Variants in HSD17B2 observed in about 807,000 individuals in gnomAD.
HSD17B2 encodes the protein hydroxysteroid 17-beta dehydrogenase 2.
A neutral mutation model predicts 26.9 loss-of-function variants in HSD17B2; 32 were observed. The observed-to-expected ratio is 1.19, with a 90% confidence interval of 0.90 to 1.60. The LOEUF (loss-of-function observed/expected upper bound fraction) is 1.60. Among genes scored for constraint, HSD17B2 ranks in the 40% most tolerant of loss-of-function variants. The pLI is 0.00. For synonymous variants in HSD17B2, 246 were observed against 186.7 expected, an observed-to-expected ratio of 1.32 and a Z score of -2.59; for missense variants, 613 against 468.6, an observed-to-expected ratio of 1.31 and a Z score of -2.85.
At chr16:82,070,256 C>T (rs1914667696) in intron 2 of HSD17B2, among the ~76,000 whole-genome samples, 1 of 152,204 alleles carries the variant, frequency 6.6e-6, no homozygotes, top group Admixed American at 6.5e-5. Flanking sequence ...CACTGAGACC[C>T]TCAGCTTATC....
intron 3 of HSD17B2, chr16:82,090,134 C>A: frequency 1.5e-6 from 1 of 654,508 alleles, no homozygotes; most frequent in African/African-American, 1.9e-5. Context: ...CTCGTTGCAA[C>A]AAGTATTGAG....
intron 3 of HSD17B2, among the ~76,000 whole-genome samples, chr16:82,083,666 A>T (rs555635397): frequency 5.3e-5 from 8 of 152,180 alleles, no homozygotes; most frequent in Middle Eastern, 3.4e-3. Context: ...GCAGCTTCTT[A>T]ATCTGCCAGC....
At chr16:82,080,608 T>A (rs545197998) in intron 3 of HSD17B2, among the ~76,000 whole-genome samples, 16 of 152,346 alleles carry the variant, frequency 1.1e-4, no homozygotes, top group African/African-American at 3.8e-4. Context: ...ACTAGGTTTG[T>A]AGTAATTTGT....
chr16:82,061,556 A>G (rs1236803968), intron 1 of HSD17B2, among the ~76,000 whole-genome samples: 3 of 152,228 alleles, frequency 2.0e-5, no homozygotes, highest in South Asian at 4.1e-4. Context: ...GGACGATTTT[A>G]TCTATAGTAA....
At chr16:82,068,115 T>C in intron 1 of HSD17B2, 55 bp from the exon 2 acceptor site, 1 of 1,425,946 alleles carries the variant, frequency 7.0e-7, no homozygotes, top group Non-Finnish European at 9.9e-7. Flanking sequence ...TTGTTAAATA[T>C]TTTCTCCTGT....
At chr16:82,049,742 T>C (rs369167219) in intron 1 of HSD17B2, among the ~76,000 whole-genome samples, 3 of 152,222 alleles carry the variant, frequency 2.0e-5, no homozygotes, top group Non-Finnish European at 4.4e-5. Flanking sequence ...CAGTTCATTG[T>C]TTTTACAGAT....
intron 3 of HSD17B2, among the ~76,000 whole-genome samples, chr16:82,087,490 AT>A (rs1567592334): frequency 1.3e-5 from 2 of 152,202 alleles, no homozygotes; most frequent in African/African-American, 4.8e-5. Context: ...GAACCATACA[AT>A]ACTGCCATTT....
chr16:82,069,497 C>G (rs903117599), intron 2 of HSD17B2, among the ~76,000 whole-genome samples: 1 of 152,192 alleles, frequency 6.6e-6, no homozygotes, highest in African/African-American at 2.4e-5. Flanking sequence ...TGTTTATACT[C>G]TCCTCCTTGG....
chr16:82,047,574 G>A (rs1196032672), intron 1 of HSD17B2, among the ~76,000 whole-genome samples: 1 of 152,154 alleles, frequency 6.6e-6, no homozygotes, highest in African/African-American at 2.4e-5. Context: ...CAGAGAAGTG[G>A]GCAGAAGTGA....
intron 1 of HSD17B2, among the ~76,000 whole-genome samples, chr16:82,048,211 C>T (rs980097379): frequency 1.3e-5 from 2 of 152,118 alleles, no homozygotes; most frequent in African/African-American, 4.8e-5. Context: ...GAGATTAGGA[C>T]AGGGCACTGG....
intron 1 of HSD17B2, among the ~76,000 whole-genome samples, chr16:82,040,178 A>G (rs942748062): frequency 8.5e-5 from 13 of 152,222 alleles, no homozygotes; most frequent in African/African-American, 2.9e-4. Context: ...TTTTATGCTC[A>G]CAAGAAAGTG....
intron 3 of HSD17B2, among the ~76,000 whole-genome samples, chr16:82,081,492 C>A (rs1180191968): frequency 1.3e-5 from 2 of 152,144 alleles, no homozygotes; most frequent in Non-Finnish European, 1.5e-5. Flanking sequence ...CTCTCCTCTT[C>A]ACTGCCTGGT....
rs947249967 is a variant in HSD17B2, at chr16:82,080,440, G to C, written c.664+9313G>C. Among the ~76,000 whole-genome samples the C allele has an allele frequency of 8.5e-5, 13 of 152,284 alleles. No individual in the cohort carries two copies. In the South Asian group the frequency reaches 1.0e-3, roughly 12 times the overall value. ...TGGAAGATGGTACCTAGGTGGCTTT[G>C]AAGATAGAGGAAGGGGCCAGAAACC... On this transcript the variant is annotated intron_variant, in intron 3 of 4. Transcript: ENST00000199936.
rs1252582713 is a variant in HSD17B2, at chr16:82,071,147, C to T, written c.664+20C>T. The T allele has an allele frequency of 1.2e-6, 2 of 1,610,654 alleles. No individual in the cohort carries two copies. Among genetic ancestry groups the T allele is most frequent in the Non-Finnish European group, 1.7e-6 (2 of 1,177,004 alleles). ...TGGGAGGTGAGTCAGCATTTTCACA[C>T]ATGGTCATGGGGTGCCCATCACAAG... is the stretch of plus-strand genomic sequence containing the variant. On this transcript the variant is annotated intron_variant, in intron 3 of 4. Coordinates refer to ENST00000199936, the MANE Select transcript of HSD17B2 (RefSeq NM_002153.3).
intron 1 of HSD17B2, among the ~76,000 whole-genome samples, chr16:82,038,002 C>G (rs1471343039): frequency 6.6e-6 from 1 of 152,108 alleles, no homozygotes; most frequent in East Asian, 1.9e-4. Flanking sequence ...TATTTTCTCT[C>G]CTGGATTTCA....
At chr16:82,042,574 TA>T (rs1913796587) in intron 1 of HSD17B2, among the ~76,000 whole-genome samples, 1 of 152,248 alleles carries the variant, frequency 6.6e-6, no homozygotes, top group Non-Finnish European at 1.5e-5. Flanking sequence ...ATCTCCCATT[TA>T]AAACAAGTTG....
rs1378034747 is a variant in HSD17B2, at chr16:82,071,048, A to G, written c.585A>G (p.Gly195=). The G allele has an allele frequency of 2.5e-6, 4 of 1,614,120 alleles. No individual in the cohort carries two copies. Among genetic ancestry groups the G allele is most frequent in the South Asian group, 2.2e-5 (2 of 91,088 alleles). The change falls in exon 3 of 5, where the codon GGA becomes GGG. Residue 195 remains glycine (G), a synonymous_variant. Transcript: ENST00000199936. ...YKQCMAVNFF[G]TVEVTKTFLP... is the part of the protein sequence containing the mutation. ...AATGCATGGCCGTGAACTTCTTTGG[A>G]ACTGTGGAGGTCACAAAGACGTTTT...
At position 82,060,250 on chromosome 16, in the gene HSD17B2, C is replaced by A. The variant is rs148136231; in HGVS notation, c.266-7920C>A. 2.0e-4 allele frequency among the ~76,000 whole-genome samples: 30 copies of A among 152,312 alleles called. No individual in the cohort carries two copies. In the East Asian group the frequency reaches 5.0e-3, roughly 25 times the overall value. Reference sequence around the variant, plus strand: ...TAGTTTCCCACAGGCTTTCTACCAGCTAAACAGCTTTGATTCAGATGACCT... The same window carrying A: ...TAGTTTCCCACAGGCTTTCTACCAGATAAACAGCTTTGATTCAGATGACCT... On this transcript the variant is annotated intron_variant, in intron 1 of 4. Transcript: ENST00000199936.
chr16:82,095,756 G>C (rs755342238), intron 4 of HSD17B2: 3 of 152,230 alleles, frequency 2.0e-5, no homozygotes, highest in Non-Finnish European at 4.4e-5. Context: ...CATAGACATT[G>C]ACAAGAAGGG....
Sources: gnomAD v4.1 joint callset for allele counts (sites outside exome capture counted in the v4.1 genomes callset) on GRCh38, gnomAD v4.1.1 for gene constraint, MANE v1.5 for transcripts, NCBI Gene and HGNC (gene_info 2026-07-23, HGNC 2026-07-21) for gene names.